Variants in WLS observed in about 807,000 individuals in gnomAD.
WLS encodes the protein Wnt ligand secretion mediator, also known as protein wntless homolog.
In WLS, 23 loss-of-function variants were observed where a neutral mutation model predicts 62.8. The ratio of observed to expected loss-of-function variants is 0.37; its 90% CI spans 0.26 to 0.52. The LOEUF (loss-of-function observed/expected upper bound fraction) is 0.52. WLS is among the 20% of genes least tolerant of loss of function. The probability of loss-of-function intolerance (pLI) is 0.92; values close to 1 mark genes in which losing one functional copy is unlikely to be tolerated. For missense variants in WLS, 615 were observed against 697.3 expected, an observed-to-expected ratio of 0.88 and a Z score of 1.33; for synonymous variants, 246 against 244.1, an observed-to-expected ratio of 1.01 and a Z score of -0.07.
At chr1:68,184,473 A>T (rs1170650503) in intron 2 of WLS, among the ~76,000 whole-genome samples, 3 of 152,244 alleles carry the variant, frequency 2.0e-5, no homozygotes, top group African/African-American at 7.2e-5. Context: ...ATATTTTCAA[A>T]TAACAGAACT....
intron 11 of WLS, among the ~76,000 whole-genome samples, chr1:68,131,543 G>GGCTT (rs1646525166): frequency 6.6e-6 from 1 of 152,034 alleles, no homozygotes; most frequent in African/African-American, 2.4e-5. Flanking sequence ...ATTTATTCCA[G>GGCTT]GCTTGGAGCG....
rs549485038 is a variant in WLS at position 68,184,155 on chromosome 1, A to C, written c.379+9800T>G. Among the ~76,000 whole-genome samples the C allele has an allele frequency of 3.3e-5, 5 of 152,302 alleles. No individual in the cohort carries two copies. The South Asian group carries it at 1.0e-3, about 32-fold the overall frequency. On this transcript the variant is annotated intron_variant, in intron 2 of 11. Coordinates refer to ENST00000262348, the MANE Select transcript of WLS (RefSeq NM_024911.7). ...GCTATCCATCTTGAGGCTTTCTGCC[A>C]ATGGCTCTAGTGCTTCTATTTCAAC...
chr1:68,123,221 A>G (rs1646385010), downstream of WLS, among the ~76,000 whole-genome samples: 1 of 152,110 alleles, frequency 6.6e-6, no homozygotes, highest in Non-Finnish European at 1.5e-5. Flanking sequence ...TGCCCTTGCC[A>G]CTTAAGAAGG....
Position 68,209,781 on chromosome 1 carries a change from C to CA in WLS, c.107-15555dup, listed in dbSNP as rs941116425. Reference sequence around the variant, plus strand: ...GGGCAACAAAAATGAAACTCCGTTTCAAAAAAAAAAAAGAAGTGGTAGATA... The same window carrying CA: ...GGGCAACAAAAATGAAACTCCGTTTCAAAAAAAAAAAAAGAAGTGGTAGATA... On this transcript the variant is annotated intron_variant, in intron 1 of 11. Coordinates refer to ENST00000262348, the MANE Select transcript of WLS (RefSeq NM_024911.7). Among the ~76,000 whole-genome samples the CA allele has an allele frequency of 3.6e-3, 456 of 126,918 alleles. 1 individual carries two copies. Among genetic ancestry groups the CA allele is most frequent in the African/African-American group, 9.3e-3 (317 of 34,144 alleles). 83.3% of individuals were successfully genotyped at this position (126,918 alleles called of 152,430 possible). A position where few individuals can be genotyped will look rare whatever the true frequency, so the allele number is the denominator to read the frequency against.
chr1:68,128,823 C>T (rs562024607), intron 11 of WLS, among the ~76,000 whole-genome samples: 2 of 152,102 alleles, frequency 1.3e-5, no homozygotes, highest in African/African-American at 2.4e-5. Flanking sequence ...CCCATTCTGC[C>T]GATGAAGAAA....
chr1:68,152,743 G>A (rs954755043), intron 5 of WLS, among the ~76,000 whole-genome samples: 1 of 152,148 alleles, frequency 6.6e-6, no homozygotes, highest in Non-Finnish European at 1.5e-5. Flanking sequence ...TGGCTTCAGG[G>A]GGAAGTGGGA....
At chr1:68,162,970 C>A (rs1647003654) in intron 2 of WLS, 1 of 1,593,964 alleles carries the variant, frequency 6.3e-7, no homozygotes, top group South Asian at 1.1e-5. Flanking sequence ...CAGTCGCGGC[C>A]GTCCAGCAGC....
At chr1:68,109,722 AATC>A (rs1646196638) in intron 11 of WLS, among the ~76,000 whole-genome samples, 2 of 152,130 alleles carry the variant, frequency 1.3e-5, no homozygotes, top group South Asian at 2.1e-4. Flanking sequence ...AAGGATCAAT[AATC>A]ATTATAGGTT....
intron 2 of WLS, among the ~76,000 whole-genome samples, chr1:68,179,719 G>T (rs1647439195): frequency 6.6e-6 from 1 of 152,144 alleles, no homozygotes; most frequent in Non-Finnish European, 1.5e-5. Flanking sequence ...ATAGTCTATT[G>T]TAATTACACT....
intron 1 of WLS, among the ~76,000 whole-genome samples, chr1:68,228,842 CAAAAAAAAAAAAA>C (rs66626696): frequency 1.4e-4 from 8 of 58,032 alleles, no homozygotes; most frequent in African/African-American, 3.7e-4. Flanking sequence ...ACACTGGTGC[CAAAAAAAAAAAAA>C]AAAAAAAAAA....
chr1:68,166,589 G>T (rs558415577), intron 2 of WLS, among the ~76,000 whole-genome samples: 1 of 152,150 alleles, frequency 6.6e-6, no homozygotes, highest in African/African-American at 2.4e-5. Context: ...GCTGAATCAA[G>T]CATACTTGGT....
At chr1:68,193,786 G>A in intron 2 of WLS, 169 bp downstream of exon 2, 1 of 841,440 alleles carries the variant, frequency 1.2e-6, no homozygotes. Context: ...CTGGTGGGAA[G>A]ATTAAATGGG....
At chr1:68,223,453 CA>C (rs1553138263) in intron 1 of WLS, among the ~76,000 whole-genome samples, 1 of 152,094 alleles carries the variant, frequency 6.6e-6, no homozygotes, top group Non-Finnish European at 1.5e-5. Context: ...AGGTGTTGGG[CA>C]AAGTGGTGGT....
intron 11 of WLS, among the ~76,000 whole-genome samples, chr1:68,116,732 G>C (rs1364583914): frequency 6.6e-6 from 1 of 152,234 alleles, no homozygotes; most frequent in Non-Finnish European, 1.5e-5. Context: ...TGTTAGAACA[G>C]TGCCTGGTAC....
intron 1 of WLS, among the ~76,000 whole-genome samples, chr1:68,228,523 T>G (rs1412189204): frequency 2.0e-5 from 3 of 152,136 alleles, no homozygotes; most frequent in East Asian, 1.9e-4. Flanking sequence ...TCACCCAACA[T>G]GAAATCAAAA....
At chr1:68,229,317 A>C (rs1039958647) in intron 1 of WLS, among the ~76,000 whole-genome samples, 4 of 152,142 alleles carry the variant, frequency 2.6e-5, no homozygotes, top group Non-Finnish European at 4.4e-5. Context: ...TGCTCTTCCT[A>C]AGTTTACTTT....
chr1:68,224,626 C>T (rs978215358), intron 1 of WLS, among the ~76,000 whole-genome samples: 2 of 152,340 alleles, frequency 1.3e-5, no homozygotes, highest in East Asian at 1.9e-4. Flanking sequence ...GGCCCAGAAA[C>T]ACTGCCAATA....
intron 2 of WLS, among the ~76,000 whole-genome samples, chr1:68,160,649 A>C (rs1179061864): frequency 2.6e-5 from 4 of 152,210 alleles, no homozygotes; most frequent in African/African-American, 9.6e-5. Context: ...ACAATAAACA[A>C]ATACAGTAAC....
chr1:68,157,094 C>G (rs1646909943), intron 3 of WLS, among the ~76,000 whole-genome samples: 1 of 152,156 alleles, frequency 6.6e-6, no homozygotes, highest in Non-Finnish European at 1.5e-5. Flanking sequence ...CAAAGGCAGG[C>G]ATTGTGCTGT....
Sources: gnomAD v4.1 joint callset for allele counts (sites outside exome capture counted in the v4.1 genomes callset) on GRCh38, gnomAD v4.1.1 for gene constraint, MANE v1.5 for transcripts, NCBI Gene and HGNC (gene_info 2026-07-23, HGNC 2026-07-21) for gene names.